The following PTPRD variants were observed in gnomAD, a reference collection of about 807,000 sequenced individuals.
The protein encoded by PTPRD is receptor-type tyrosine-protein phosphatase delta.
Under a neutral mutation model 214.5 loss-of-function variants are expected in PTPRD, and 34 were observed. The observed-to-expected ratio is 0.16, with a 90% CI of 0.12 to 0.21. The LOEUF (loss-of-function observed/expected upper bound fraction) is 0.21. Among genes scored for constraint, PTPRD ranks in the 10% least tolerant of loss-of-function variants. The probability of loss-of-function intolerance (pLI) is 1.00; values close to 1 mark genes in which losing one functional copy is unlikely to be tolerated. For synonymous variants in PTPRD, 1,128 were observed against 845.7 expected, an observed-to-expected ratio of 1.33 and a Z score of -5.79; for missense variants, 2,545 against 2,398.7, an observed-to-expected ratio of 1.06 and a Z score of -1.27.
chr9:10,225,609 T>C (rs1449031704), intron 3 of PTPRD, among the ~76,000 whole-genome samples: 1 of 152,064 alleles, frequency 6.6e-6, no homozygotes, highest in African/African-American at 2.4e-5. Context: ...GTGCTGAGAC[T>C]TGATTCAACT....
chr9:10,472,953 A>G (rs2099040660), intron 2 of PTPRD, among the ~76,000 whole-genome samples: 1 of 152,030 alleles, frequency 6.6e-6, no homozygotes, highest in Non-Finnish European at 1.5e-5. Context: ...TTGCATATAA[A>G]TTGTTTACTT....
At chr9:8,583,662 G>C (rs941018135) in intron 14 of PTPRD, among the ~76,000 whole-genome samples, 5 of 152,188 alleles carry the variant, frequency 3.3e-5, no homozygotes, top group Non-Finnish European at 7.3e-5. Flanking sequence ...CTTTCATGGA[G>C]ATAATATATA....
At position 10,607,648 on chromosome 9, in the gene PTPRD, A is replaced by G. The variant is rs571150061; in HGVS notation, c.-600+4750T>C. On this transcript the variant is annotated intron_variant, in intron 2 of 45. Transcript: ENST00000381196. ...TACTTGCTGCAACTCAAATATTCCT[A>G]TCACATATAGAAAACAATTGGTCAT... is the stretch of plus-strand genomic sequence containing the variant. Among the ~76,000 whole-genome samples the G allele has an allele frequency of 3.2e-3, 489 of 151,980 alleles. 5 individuals carry two copies. Among genetic ancestry groups the G allele is most frequent in the African/African-American group, 0.011 (470 of 41,514 alleles).
chr9:9,074,548 T>C (rs1420980582), intron 10 of PTPRD, among the ~76,000 whole-genome samples: 1 of 152,114 alleles, frequency 6.6e-6, no homozygotes, highest in African/African-American at 2.4e-5. Flanking sequence ...GAGTGAAATA[T>C]AGACCAAGAC....
chr9:10,296,069 A>G (rs1424541371), intron 3 of PTPRD, among the ~76,000 whole-genome samples: 1 of 152,120 alleles, frequency 6.6e-6, no homozygotes, highest in Non-Finnish European at 1.5e-5. Flanking sequence ...ACCACTAAAC[A>G]TGAACCACAG....
intron 2 of PTPRD, among the ~76,000 whole-genome samples, chr9:10,359,175 G>A (rs1212021957): frequency 1.3e-5 from 2 of 151,840 alleles, no homozygotes; most frequent in East Asian, 1.9e-4. Flanking sequence ...AATATTCATT[G>A]TTCAGCCATC....
At chr9:9,895,426 T>C (rs1188210532) in intron 5 of PTPRD, among the ~76,000 whole-genome samples, 1 of 152,058 alleles carries the variant, frequency 6.6e-6, no homozygotes, top group African/African-American at 2.4e-5. Flanking sequence ...ATAGAATGTT[T>C]GATAAATTTT....
At position 8,508,909 on chromosome 9, in the gene PTPRD, G is replaced by T. The variant is rs951269888; in HGVS notation, c.1544-1475C>A. On this transcript the variant is annotated intron_variant, in intron 21 of 45. Transcript: ENST00000381196. ...TGTGTGTCTGTGTGTGTGTGTGTGT[G>T]TGTGTGTGTGTGTGTGTAAAGGAAT... is the stretch of plus-strand genomic sequence containing the variant. Among the ~76,000 whole-genome samples the T allele has an allele frequency of 7.2e-5, 11 of 151,866 alleles. No individual in the cohort carries two copies. In the East Asian group the frequency reaches 2.1e-3, roughly 29 times the overall value.
chr9:9,853,631 C>A (rs1279023426), intron 5 of PTPRD, among the ~76,000 whole-genome samples: 1 of 151,936 alleles, frequency 6.6e-6, no homozygotes, highest in Non-Finnish European at 1.5e-5. Flanking sequence ...TCGCTGCAAC[C>A]TCTCCCTCCC....
chr9:10,124,686 G>C (rs973265816), intron 3 of PTPRD, among the ~76,000 whole-genome samples: 1 of 151,514 alleles, frequency 6.6e-6, no homozygotes, highest in Non-Finnish European at 1.5e-5. Flanking sequence ...AATTTGTTAG[G>C]ATTATTATTG....
chr9:8,741,926 T>C (rs1203658425), intron 11 of PTPRD, among the ~76,000 whole-genome samples: 1 of 152,098 alleles, frequency 6.6e-6, no homozygotes, highest in Non-Finnish European at 1.5e-5. Flanking sequence ...TTTATTAGGA[T>C]ATTCTGTTCA....
At chr9:9,141,288 C>T (rs2099860053) in intron 10 of PTPRD, among the ~76,000 whole-genome samples, 2 of 150,698 alleles carry the variant, frequency 1.3e-5, no homozygotes, top group African/African-American at 4.9e-5. Flanking sequence ...ACTACAGACC[C>T]TAGGTTCCTG....
chr9:9,238,073 G>A (rs567738023), intron 9 of PTPRD, among the ~76,000 whole-genome samples: 10 of 152,142 alleles, frequency 6.6e-5, no homozygotes, highest in South Asian at 2.1e-4. Flanking sequence ...AAGCATCAGC[G>A]TTCTGGCAGC....
At chr9:9,662,231 T>G (rs1004632386) in intron 7 of PTPRD, among the ~76,000 whole-genome samples, 1 of 151,636 alleles carries the variant, frequency 6.6e-6, no homozygotes, top group Admixed American at 6.6e-5. Context: ...CCTGCTACTA[T>G]AAAGTATCAT....
At chr9:9,749,353 C>T (rs892247043) in intron 6 of PTPRD, among the ~76,000 whole-genome samples, 4 of 152,102 alleles carry the variant, frequency 2.6e-5, no homozygotes, top group Non-Finnish European at 5.9e-5. Context: ...TTTATAACCA[C>T]GTTTTCCAAT....
At chr9:10,008,523 T>C (rs1043602511) in intron 4 of PTPRD, among the ~76,000 whole-genome samples, 1 of 152,026 alleles carries the variant, frequency 6.6e-6, no homozygotes, top group African/African-American at 2.4e-5. Context: ...AACATGCATG[T>C]TTGCTTAGCA....
At chr9:9,533,731 A>C (rs1198519564) in intron 8 of PTPRD, among the ~76,000 whole-genome samples, 1 of 152,036 alleles carries the variant, frequency 6.6e-6, no homozygotes, top group Non-Finnish European at 1.5e-5. Flanking sequence ...AGTCACTAAT[A>C]ATATAAATTC....
chr9:9,199,826 G>C (rs2099940821), intron 9 of PTPRD, among the ~76,000 whole-genome samples: 1 of 151,102 alleles, frequency 6.6e-6, no homozygotes. Context: ...ATATATAGCT[G>C]AAATCTTATT....
rs79803342 is a variant in PTPRD, at chr9:9,679,503, C to T, written c.-287+55030G>A. ...CGGATCCCCCTGTGAATTAATCTTGCTGAAAAATCATAATTAAATGGATCA... is the reference window on the plus strand; with the variant it reads ...CGGATCCCCCTGTGAATTAATCTTGTTGAAAAATCATAATTAAATGGATCA... On this transcript the variant is annotated intron_variant, in intron 7 of 45. Transcript: ENST00000381196. 7.5e-3 allele frequency among the ~76,000 whole-genome samples: 1,134 copies of T among 151,902 alleles called. 6 individuals carry two copies. The highest frequency in any genetic ancestry group is 0.015 in the Admixed American group (225 of 15,196).
Sources: gnomAD v4.1 joint callset for allele counts (sites outside exome capture counted in the v4.1 genomes callset) on GRCh38, gnomAD v4.1.1 for gene constraint, MANE v1.5 for transcripts, NCBI Gene and HGNC (gene_info 2026-07-23, HGNC 2026-07-21) for gene names.